TTLL5: variants seen among roughly 807,000 people sequenced by gnomAD.
The protein encoded by TTLL5 is tubulin polyglutamylase TTLL5.
TTLL5 carries 132 observed loss-of-function variants against 168.4 expected under a neutral mutation model. That is an observed-to-expected ratio of 0.78 (90% CI 0.68 to 0.91). The LOEUF is 0.91. TTLL5 is among the 40% of genes least tolerant of loss of function. The pLI, the probability that TTLL5 is intolerant of heterozygous loss-of-function variation, is 0.00. For synonymous variants in TTLL5, 546 were observed against 558.6 expected (o/e 0.98, Z 0.32); for missense variants, 1,545 against 1,581.5 (o/e 0.98, Z 0.39).
chr14:75,829,844 A>G (rs1008633985), intron 28 of TTLL5, among the ~76,000 whole-genome samples: 2 of 152,232 alleles, frequency 1.3e-5, no homozygotes, highest in Admixed American at 6.5e-5. Flanking sequence ...GAAATAATGT[A>G]TTAGTCAAAA....
intron 18 of TTLL5, among the ~76,000 whole-genome samples, chr14:75,760,237 C>T (rs1029368307): frequency 1.3e-5 from 2 of 151,848 alleles, no homozygotes; most frequent in South Asian, 2.1e-4. Context: ...ATTATATTTA[C>T]AACAGCATTT....
chr14:75,769,921 G>A (rs1284235401), intron 20 of TTLL5, among the ~76,000 whole-genome samples: 1 of 152,096 alleles, frequency 6.6e-6, no homozygotes. Flanking sequence ...GCTCATGCCT[G>A]TAATCCCAGC....
chr14:75,810,083 T>C (rs1230857338), intron 27 of TTLL5, among the ~76,000 whole-genome samples: 2 of 152,212 alleles, frequency 1.3e-5, no homozygotes, highest in Non-Finnish European at 2.9e-5. Flanking sequence ...GCTACTTGAC[T>C]GTTTTTTGTC....
At chr14:75,697,428 A>T (rs973285471) in intron 6 of TTLL5, among the ~76,000 whole-genome samples, 1 of 152,186 alleles carries the variant, frequency 6.6e-6, no homozygotes, top group Non-Finnish European at 1.5e-5. Flanking sequence ...CGGCACATTA[A>T]ATTTTTTCTA....
rs537065897 is a variant in TTLL5, at chr14:75,927,370, C to T, written c.3823+25146C>T. Among the ~76,000 whole-genome samples, 623 of 152,146 alleles carry T rather than the reference C, an allele frequency of 4.1e-3. 3 individuals carry two copies. The highest frequency in any genetic ancestry group is 0.015 in the African/African-American group (604 of 41,516). ...ATTTTTTACCCATTAACCATCCCCC[C>T]GTTTTGTGTATACAATAAAAACCAC... is the stretch of plus-strand genomic sequence containing the variant. On this transcript the variant is annotated intron_variant, in intron 31 of 31. Coordinates refer to ENST00000298832, the MANE Select transcript of TTLL5 (RefSeq NM_015072.5).
At chr14:75,867,207 T>C (rs562090973) in intron 29 of TTLL5, among the ~76,000 whole-genome samples, 1 of 152,204 alleles carries the variant, frequency 6.6e-6, no homozygotes, top group South Asian at 2.1e-4. Context: ...TCAACAAAAC[T>C]TTATGTACAA....
chr14:75,670,555 G>A (rs576851015), intron 3 of TTLL5, among the ~76,000 whole-genome samples: 64 of 152,274 alleles, frequency 4.2e-4, no homozygotes, highest in African/African-American at 1.5e-3. Context: ...AGGGGTTCCA[G>A]TTTCTCCACA....
intron 18 of TTLL5, among the ~76,000 whole-genome samples, chr14:75,758,165 A>G (rs913601258): frequency 2.0e-5 from 3 of 152,226 alleles, no homozygotes; most frequent in African/African-American, 7.2e-5. Flanking sequence ...ATTCAAGTAC[A>G]GAGTTTGTGT....
intron 6 of TTLL5, among the ~76,000 whole-genome samples, chr14:75,697,201 G>A (rs1024165122): frequency 5.3e-5 from 8 of 152,294 alleles, no homozygotes; most frequent in African/African-American, 1.4e-4. Flanking sequence ...CACAGAAACT[G>A]CATGGCCTGC....
chr14:75,668,959 C>T (rs1438332276), intron 2 of TTLL5, among the ~76,000 whole-genome samples: 1 of 152,226 alleles, frequency 6.6e-6, no homozygotes, highest in Non-Finnish European at 1.5e-5. Context: ...CTTTCTCCTT[C>T]ACCAACAGCT....
At chr14:75,699,842 T>G (rs1886133789) in intron 7 of TTLL5, among the ~76,000 whole-genome samples, 1 of 152,210 alleles carries the variant, frequency 6.6e-6, no homozygotes, top group African/African-American at 2.4e-5. Context: ...ATTGAATACA[T>G]ACACATGGTA....
At chr14:75,731,995 C>A (rs1040140201) in intron 12 of TTLL5, among the ~76,000 whole-genome samples, 1 of 149,810 alleles carries the variant, frequency 6.7e-6, no homozygotes, top group Admixed American at 6.6e-5. Context: ...TTCCTTTCCC[C>A]GCCTCTTTTT....
chr14:75,863,911 T>TAAGAAAAAAAAAAAAAAAAAAAA (rs2030251384), intron 29 of TTLL5, 49 bp downstream of exon 29: 1 of 86,234 alleles, frequency 1.2e-5, no homozygotes. Context: ...CTGCTGTTGG[T>TAAGAAAAAAAAAAAAAAAAAAAA]AAAAAAAAAA....
chr14:75,719,711 C>T (rs775248296), intron 10 of TTLL5, 24 bp from the exon 11 acceptor site: 213 of 1,586,256 alleles, frequency 1.3e-4, no homozygotes, highest in Non-Finnish European at 1.7e-4. Flanking sequence ...ACATATGTGA[C>T]TTTGATTTAT....
At chr14:75,876,146 G>A (rs2031465241) in intron 29 of TTLL5, among the ~76,000 whole-genome samples, 1 of 152,222 alleles carries the variant, frequency 6.6e-6, no homozygotes, top group South Asian at 2.1e-4. Flanking sequence ...TCACCCATGT[G>A]ATGTCTTAGG....
intron 13 of TTLL5, 151 bp from the exon 14 acceptor site, chr14:75,733,838 T>C: frequency 1.5e-6 from 1 of 674,408 alleles, no homozygotes. Flanking sequence ...GCCCAGGATT[T>C]TTCCCCCACC....
chr14:75,883,051 G>A (rs746292731), intron 30 of TTLL5, 149 bp downstream of exon 30: 3 of 899,330 alleles, frequency 3.3e-6, no homozygotes, highest in Admixed American at 2.9e-5. Flanking sequence ...AGTTCTCAGC[G>A]TGGGCTACAA....
At chr14:75,953,578 A>G (rs2035025346) in intron 31 of TTLL5, among the ~76,000 whole-genome samples, 1 of 152,212 alleles carries the variant, frequency 6.6e-6, no homozygotes, top group Admixed American at 6.5e-5. Context: ...AGAATGGGAA[A>G]GAATTGGGAG....
chr14:75,949,134 C>G (rs1264876130), intron 31 of TTLL5, among the ~76,000 whole-genome samples: 1 of 151,896 alleles, frequency 6.6e-6, no homozygotes, highest in Admixed American at 6.6e-5. Context: ...AAAGAACGTT[C>G]AAATAGACTA....
Sources: gnomAD v4.1 joint callset for allele counts (sites outside exome capture counted in the v4.1 genomes callset) on GRCh38, gnomAD v4.1.1 for gene constraint, MANE v1.5 for transcripts, NCBI Gene and HGNC (gene_info 2026-07-23, HGNC 2026-07-21) for gene names.